Variants in GABBR2 observed in about 807,000 individuals in gnomAD.
GABBR2 encodes the protein G-protein coupled receptor 51.
Under a neutral mutation model 105.6 loss-of-function variants are expected in GABBR2, and 23 were observed. The ratio of observed to expected loss-of-function variants is 0.22; its 90% CI spans 0.16 to 0.31. The LOEUF (loss-of-function observed/expected upper bound fraction) is 0.31, where lower values mean the gene tolerates loss of function less well. Among genes scored for constraint, GABBR2 ranks in the 10% least tolerant of loss-of-function variants. The pLI is 1.00. For missense variants in GABBR2, 734 were observed against 1,245.5 expected, an observed-to-expected ratio of 0.59 and a Z score of 6.18; for synonymous variants, 478 against 499.7, an observed-to-expected ratio of 0.96 and a Z score of 0.58.
At chr9:98,545,582 G>A (rs1436261421) in intron 2 of GABBR2, among the ~76,000 whole-genome samples, 1 of 152,166 alleles carries the variant, frequency 6.6e-6, no homozygotes, top group Non-Finnish European at 1.5e-5. Flanking sequence ...CAGAATCTCT[G>A]GGCATCTAGC....
intron 1 of GABBR2, among the ~76,000 whole-genome samples, chr9:98,648,080 G>GGTGTGT (rs1554723457): frequency 7.4e-5 from 5 of 68,016 alleles, no homozygotes; most frequent in African/African-American, 1.9e-4. Context: ...AATCATACAG[G>GGTGTGT]GTGTGTGTGT....
chr9:98,352,969 C>G (rs1831425655), intron 13 of GABBR2, among the ~76,000 whole-genome samples: 1 of 152,024 alleles, frequency 6.6e-6, no homozygotes, highest in Non-Finnish European at 1.5e-5. Context: ...GTGCTGGGCT[C>G]TCAAAATGGT....
At chr9:98,343,591 G>A (rs1269074599) in intron 13 of GABBR2, among the ~76,000 whole-genome samples, 1 of 152,170 alleles carries the variant, frequency 6.6e-6, no homozygotes, top group African/African-American at 2.4e-5. Flanking sequence ...CGGGCGCGGT[G>A]GCTCACACCT....
At position 98,607,120 on chromosome 9, in the gene GABBR2, A is replaced by C. The variant is rs539445311; in HGVS notation, c.322-29048T>G. ...TATGGTAGTGGGTGGAACAATCCAAAGTTTTAATCAAAGAAGGTGGTGTTC... is the reference window on the plus strand; with the variant it reads ...TATGGTAGTGGGTGGAACAATCCAACGTTTTAATCAAAGAAGGTGGTGTTC... On this transcript the variant is annotated intron_variant, in intron 1 of 18. Coordinates refer to ENST00000259455, the MANE Select transcript of GABBR2 (RefSeq NM_005458.8). The C allele has an allele frequency of 2.4e-5, 39 of 1,608,828 alleles. No individual in the cohort carries two copies. The African/African-American group carries it at 4.9e-4, about 20-fold the overall frequency.
At chr9:98,637,935 T>C (rs939373966) in intron 1 of GABBR2, among the ~76,000 whole-genome samples, 11 of 152,208 alleles carry the variant, frequency 7.2e-5, no homozygotes, top group Non-Finnish European at 1.2e-4. Flanking sequence ...TAACATACTA[T>C]ATACTGGATA....
At position 98,394,157 on chromosome 9, in the gene GABBR2, G is replaced by C. The variant is rs910829953; in HGVS notation, c.1378+18C>G. ...CAACTGGGCAGGCCCCCTCCTCTGA[G>C]AAGCCCACCTGCCTTACCTTGGAAC... is the stretch of plus-strand genomic sequence containing the variant. On this transcript the variant is annotated intron_variant, in intron 9 of 18. Transcript: ENST00000259455. 1 of 1,593,742 alleles carries C rather than the reference G, an allele frequency of 6.3e-7. No individual in the cohort carries two copies. The highest frequency in any genetic ancestry group is 8.6e-7 in the Non-Finnish European group (1 of 1,161,796).
intron 1 of GABBR2, among the ~76,000 whole-genome samples, chr9:98,664,095 C>T (rs1293143717): frequency 6.6e-6 from 1 of 152,144 alleles, no homozygotes; most frequent in Non-Finnish European, 1.5e-5. Flanking sequence ...CATGTCTGGG[C>T]GTCGGCAGGA....
At chr9:98,512,490 A>G (rs1827666068) in intron 3 of GABBR2, among the ~76,000 whole-genome samples, 1 of 152,128 alleles carries the variant, frequency 6.6e-6, no homozygotes, top group Non-Finnish European at 1.5e-5. Context: ...AGATGACATG[A>G]TTGTATATCT....
At chr9:98,526,798 G>C (rs1051603216) in intron 3 of GABBR2, among the ~76,000 whole-genome samples, 3 of 152,076 alleles carry the variant, frequency 2.0e-5, no homozygotes, top group African/African-American at 7.2e-5. Flanking sequence ...ATAGATCAAA[G>C]TAAAAATCCA....
At chr9:98,543,401 G>T (rs1018587570) in intron 2 of GABBR2, among the ~76,000 whole-genome samples, 1 of 151,818 alleles carries the variant, frequency 6.6e-6, no homozygotes, top group African/African-American at 2.4e-5. Context: ...GGTCCATTCT[G>T]TTGCCCAGAC....
intron 7 of GABBR2, among the ~76,000 whole-genome samples, chr9:98,436,963 G>A (rs72759694): frequency 2.0e-3 from 311 of 152,236 alleles, no homozygotes; most frequent in Non-Finnish European, 3.5e-3. Context: ...CAGCAGAAAT[G>A]CCCTAAGAAG....
At chr9:98,602,459 CAA>C (rs796794572) in intron 1 of GABBR2, among the ~76,000 whole-genome samples, 3 of 125,544 alleles carry the variant, frequency 2.4e-5, no homozygotes, top group African/African-American at 3.1e-5. Context: ...GACTCTGTCT[CAA>C]AAAAAAAAAA....
intron 1 of GABBR2, among the ~76,000 whole-genome samples, chr9:98,677,912 A>G (rs914947902): frequency 2.0e-5 from 3 of 152,154 alleles, no homozygotes; most frequent in African/African-American, 7.2e-5. Flanking sequence ...CGTAAATATT[A>G]GGGCCTGACT....
intron 3 of GABBR2, among the ~76,000 whole-genome samples, chr9:98,512,073 T>C: frequency 6.6e-6 from 1 of 151,996 alleles, no homozygotes; most frequent in Non-Finnish European, 1.5e-5. Flanking sequence ...TCAAGTGGGC[T>C]TCATCCCTGG....
chr9:98,343,135 C>T (rs554034765), intron 13 of GABBR2, among the ~76,000 whole-genome samples: 123 of 152,326 alleles, frequency 8.1e-4, no homozygotes, highest in Non-Finnish European at 1.4e-3. Flanking sequence ...GGCAAGACTA[C>T]GGAAGCTGGA....
intron 1 of GABBR2, among the ~76,000 whole-genome samples, chr9:98,699,400 C>T (rs1232942905): frequency 6.6e-6 from 1 of 152,020 alleles, no homozygotes; most frequent in Admixed American, 6.6e-5. Context: ...ATAATAAGAA[C>T]CCGAAAGAAT....
chr9:98,643,881 G>A (rs547511694), intron 1 of GABBR2, among the ~76,000 whole-genome samples: 2 of 152,310 alleles, frequency 1.3e-5, no homozygotes, highest in East Asian at 1.9e-4. Flanking sequence ...AGAGAACAGA[G>A]CCAACACCCA....
intron 1 of GABBR2, among the ~76,000 whole-genome samples, chr9:98,624,209 C>T (rs757149564): frequency 2.0e-5 from 3 of 152,138 alleles, no homozygotes; most frequent in East Asian, 1.9e-4. Flanking sequence ...GTGAGCCCCA[C>T]GAAGATCTGG....
chr9:98,389,306 C>T (rs1832136876), intron 9 of GABBR2, among the ~76,000 whole-genome samples: 2 of 152,206 alleles, frequency 1.3e-5, no homozygotes, highest in African/African-American at 4.8e-5. Flanking sequence ...CACCATTTAT[C>T]CCCCAAGGCA....
Sources: gnomAD v4.1 joint callset for allele counts (sites outside exome capture counted in the v4.1 genomes callset) on GRCh38, gnomAD v4.1.1 for gene constraint, MANE v1.5 for transcripts, NCBI Gene and HGNC (gene_info 2026-07-23, HGNC 2026-07-21) for gene names.